The following KREMEN1 variants were observed in gnomAD, a reference collection of about 807,000 sequenced individuals.
KREMEN1 encodes kremen protein 1.
Under a neutral mutation model 46.5 loss-of-function variants are expected in KREMEN1, and 30 were observed. The ratio of observed to expected loss-of-function variants is 0.65; its 90% CI spans 0.48 to 0.88. KREMEN1 has a LOEUF of 0.88. Among genes scored for constraint, KREMEN1 ranks in the 40% least tolerant of loss-of-function variants. KREMEN1 has a pLI of 0.00. For missense variants in KREMEN1, 533 were observed against 596.9 expected (o/e 0.89, Z 1.11); for synonymous variants, 214 against 230.6 (o/e 0.93, Z 0.65).
rs555280789 is a variant in KREMEN1, at chr22:29,165,736, A to C, written c.1417-1308A>C. 1.9e-3 allele frequency among the ~76,000 whole-genome samples: 285 copies of C among 152,352 alleles called. 1 individual carries two copies. The highest frequency in any genetic ancestry group is 6.4e-3 in the African/African-American group (268 of 41,572). On this transcript the variant is annotated intron_variant, in intron 9 of 9. Coordinates refer to the KREMEN1 transcript ENST00000327813. Reference sequence around the variant, plus strand: ...GCTCTATGGTATGCAGAGGCAATACAAGCAAGGACTGATAGAAGTGTCCCC... The same window carrying C: ...GCTCTATGGTATGCAGAGGCAATACCAGCAAGGACTGATAGAAGTGTCCCC...
chr22:29,157,466 T>G (rs1244220455), intron 9 of KREMEN1, among the ~76,000 whole-genome samples: 1 of 152,236 alleles, frequency 6.6e-6, no homozygotes, highest in Non-Finnish European at 1.5e-5. Flanking sequence ...GCCTCCCGAA[T>G]AGCTGGGATT....
At chr22:29,094,735 T>C (rs2037858063) in intron 2 of KREMEN1, among the ~76,000 whole-genome samples, 1 of 151,502 alleles carries the variant, frequency 6.6e-6, no homozygotes, top group African/African-American at 2.4e-5. Context: ...GCCATTCTCC[T>C]GCCTCAGCCT....
intron 3 of KREMEN1, among the ~76,000 whole-genome samples, chr22:29,101,749 G>C (rs766972555): frequency 1.3e-5 from 2 of 152,220 alleles, no homozygotes; most frequent in African/African-American, 4.8e-5. Flanking sequence ...GCCTAGGAGT[G>C]ACAGGCTATC....
At position 29,075,133 on chromosome 22, in the gene KREMEN1, A is replaced by G. The variant is rs561691253; in HGVS notation, c.97+1906A>G. Among the ~76,000 whole-genome samples, 6 of 152,312 alleles carry G rather than the reference A, an allele frequency of 3.9e-5. No individual in the cohort carries two copies. The East Asian group carries it at 1.2e-3, about 29-fold the overall frequency. On this transcript the variant is annotated intron_variant, in intron 1 of 8. Coordinates refer to ENST00000400335, the MANE Select transcript of KREMEN1 (RefSeq NM_001039570.3). ...TCACCGTCTTTTATGGGACTTCTAC[A>G]GTATGATCACTTCTACTGTTGTGAG...
rs1019643817 is a variant in KREMEN1, at chr22:29,144,948, G to A, written c.*2836G>A. The A allele has an allele frequency of 2.1e-5, 21 of 985,418 alleles. No individual in the cohort carries two copies. The highest frequency in any genetic ancestry group is 2.4e-5 in the Non-Finnish European group (20 of 830,004). The allele number at this position is 985,418 out of a possible 1,614,324, so 61.0% of individuals were successfully genotyped here. A position where few individuals can be genotyped will look rare whatever the true frequency, so the allele number is the denominator to read the frequency against. On this transcript the variant is annotated 3_prime_UTR_variant, in exon 9 of 9. Coordinates refer to ENST00000400335, the MANE Select transcript of KREMEN1 (RefSeq NM_001039570.3). ...CTGCCTCGCCCTGGCATGGCCCAGC[G>A]CCTCTAGGATCAACTTACGATCCGT...
chr22:29,075,564 T>G (rs962032875), intron 1 of KREMEN1, among the ~76,000 whole-genome samples: 2 of 152,200 alleles, frequency 1.3e-5, no homozygotes, highest in Non-Finnish European at 2.9e-5. Context: ...CTTACCGTCC[T>G]GATAACTCAG....
At chr22:29,137,932 A>G (rs536279932) in intron 6 of KREMEN1, among the ~76,000 whole-genome samples, 1 of 152,310 alleles carries the variant, frequency 6.6e-6, no homozygotes, top group East Asian at 1.9e-4. Context: ...TTTTCATGGG[A>G]GGGTTAAAAG....
intron 9 of KREMEN1, among the ~76,000 whole-genome samples, chr22:29,153,915 T>G (rs148758471): frequency 0.013 from 1,909 of 148,182 alleles, 45 homozygotes; most frequent in African/African-American, 0.046. Context: ...GAGGTTGCAG[T>G]GAGCCGAGAT....
At chr22:29,103,366 T>C (rs1348173015) in intron 3 of KREMEN1, among the ~76,000 whole-genome samples, 1 of 152,134 alleles carries the variant, frequency 6.6e-6, no homozygotes, top group East Asian at 1.9e-4. Context: ...CCCCTTGGTG[T>C]GTTATGTGTA....
intron 9 of KREMEN1, among the ~76,000 whole-genome samples, chr22:29,157,075 C>T (rs1278234896): frequency 6.6e-6 from 1 of 152,176 alleles, no homozygotes; most frequent in Non-Finnish European, 1.5e-5. Flanking sequence ...CCTGCCCATC[C>T]CCACATATTC....
At chr22:29,155,431 A>C (rs933816430) in intron 9 of KREMEN1, among the ~76,000 whole-genome samples, 4 of 152,156 alleles carry the variant, frequency 2.6e-5, no homozygotes, top group African/African-American at 7.2e-5. Context: ...GCTACTCAGG[A>C]GGCTGAAGTG....
chr22:29,156,954 T>A (rs1051880098), intron 9 of KREMEN1, among the ~76,000 whole-genome samples: 1 of 152,218 alleles, frequency 6.6e-6, no homozygotes, highest in African/African-American at 2.4e-5. Context: ...CATCACTTAA[T>A]CCTGGGTGGA....
At chr22:29,135,761 G>T (rs904256034) in intron 5 of KREMEN1, among the ~76,000 whole-genome samples, 1 of 152,066 alleles carries the variant, frequency 6.6e-6, no homozygotes, top group Non-Finnish European at 1.5e-5. Flanking sequence ...CTTCTCTGGC[G>T]GTCACCTCTT....
At chr22:29,094,904 G>A (rs879542650) in intron 2 of KREMEN1, among the ~76,000 whole-genome samples, 1 of 152,160 alleles carries the variant, frequency 6.6e-6, no homozygotes, top group Non-Finnish European at 1.5e-5. Flanking sequence ...GGTTACAGGC[G>A]TGAGCCACCG....
At chr22:29,120,487 A>AGGAGAGGTGATGATGGAAACAGGGAGGAG (rs2038332877) in intron 3 of KREMEN1, among the ~76,000 whole-genome samples, 1 of 51,300 alleles carries the variant, frequency 1.9e-5, no homozygotes, top group Non-Finnish European at 3.5e-5. Flanking sequence ...ACAGGGAGGA[A>AGGAGAGGTGATGATGGAAACAGGGAGGAG]GGAGAGGTGA....
chr22:29,161,367 C>T (rs546675363), intron 9 of KREMEN1, among the ~76,000 whole-genome samples: 193 of 151,898 alleles, frequency 1.3e-3, no homozygotes, highest in Non-Finnish European at 2.1e-3. Flanking sequence ...ATTAGCCAGG[C>T]GTGGTGGCAG....
At chr22:29,134,100 C>T (rs2038617544) in intron 5 of KREMEN1, 1 of 151,672 alleles carries the variant, frequency 6.6e-6, no homozygotes, top group South Asian at 2.1e-4. Flanking sequence ...CATGCGAATT[C>T]ATGAAGCATT....
At chr22:29,084,087 G>T (rs1016767708) in intron 1 of KREMEN1, among the ~76,000 whole-genome samples, 3 of 152,092 alleles carry the variant, frequency 2.0e-5, no homozygotes, top group African/African-American at 7.2e-5. Flanking sequence ...GGTAACTTCT[G>T]GATGTTGCTG....
chr22:29,132,621 T>G (rs2038580480), intron 5 of KREMEN1, among the ~76,000 whole-genome samples: 1 of 152,260 alleles, frequency 6.6e-6, no homozygotes, highest in Non-Finnish European at 1.5e-5. Flanking sequence ...TGCATTTCTC[T>G]AATTACCAAT....
Sources: gnomAD v4.1 joint callset for allele counts (sites outside exome capture counted in the v4.1 genomes callset) on GRCh38, gnomAD v4.1.1 for gene constraint, MANE v1.5 for transcripts, NCBI Gene and HGNC (gene_info 2026-07-23, HGNC 2026-07-21) for gene names.